Variants in TRPM8 observed in about 807,000 individuals in gnomAD.
TRPM8 encodes the protein TRPM8 cationic channel.
In TRPM8, 110 loss-of-function variants were observed where a neutral mutation model predicts 133.7. That is an observed-to-expected ratio of 0.82 (90% confidence interval 0.70 to 0.96). TRPM8 has a LOEUF of 0.96. TRPM8 is among the 40% of genes least tolerant of loss of function. The probability of loss-of-function intolerance (pLI) is 0.00; values close to 1 mark genes in which losing one functional copy is unlikely to be tolerated. For missense variants in TRPM8, 1,291 were observed against 1,379.5 expected (o/e 0.94, Z 1.02); for synonymous variants, 535 against 532.3 (o/e 1.01, Z -0.07).
At chr2:234,007,004 C>T in intron 23 of TRPM8, 52 bp downstream of exon 23, 1 of 1,398,006 alleles carries the variant, frequency 7.2e-7, no homozygotes. Flanking sequence ...TAGACATAAG[C>T]CCATAGAACG....
chr2:233,948,059 G>T (rs1020401126), intron 8 of TRPM8, among the ~76,000 whole-genome samples: 2 of 152,062 alleles, frequency 1.3e-5, no homozygotes, highest in African/African-American at 4.8e-5. Flanking sequence ...ATGAATTTCC[G>T]CAATGATTTG....
chr2:233,980,348 A>G, intron 18 of TRPM8, 69 bp downstream of exon 18: 1 of 1,043,618 alleles, frequency 9.6e-7, no homozygotes, highest in South Asian at 1.5e-5. Flanking sequence ...AGCTCTGCAG[A>G]CATTTCAAAC....
intron 21 of TRPM8, among the ~76,000 whole-genome samples, chr2:233,988,515 T>G (rs1219819284): frequency 6.6e-6 from 1 of 152,160 alleles, no homozygotes; most frequent in Non-Finnish European, 1.5e-5. Context: ...TTACCCATGT[T>G]TAGTTCATTA....
At chr2:233,976,471 A>C (rs919977221) in intron 17 of TRPM8, among the ~76,000 whole-genome samples, 1 of 152,058 alleles carries the variant, frequency 6.6e-6, no homozygotes, top group East Asian at 1.9e-4. Flanking sequence ...ATGGGGTGGG[A>C]GTAGACAGGG....
intron 21 of TRPM8, among the ~76,000 whole-genome samples, chr2:233,995,727 C>G (rs1020480275): frequency 2.0e-5 from 3 of 151,812 alleles, no homozygotes; most frequent in Non-Finnish European, 1.5e-5. Context: ...TTCTTTCTTT[C>G]TCTTTGAGTA....
chr2:233,936,332 G>C (rs559672484), intron 3 of TRPM8, among the ~76,000 whole-genome samples: 13 of 152,366 alleles, frequency 8.5e-5, no homozygotes, highest in African/African-American at 2.6e-4. Context: ...CACAAGGGAA[G>C]AGGATTTACC....
In TRPM8 at chr2:233,966,698, T is replaced by C. The variant is rs199726279; in HGVS notation, c.1968T>C (p.Cys656=). 6.2e-7 allele frequency: 1 copy of C among 1,612,874 alleles called. No homozygotes were observed. The highest frequency in any genetic ancestry group is 1.1e-5 in the South Asian group (1 of 90,914). ...GTGAAGCTTGGGGTGGAAGCAACTGTCTGGAGCTGGCGGTGGAGGCCACAG... is the reference window on the plus strand; with the variant it reads ...GTGAAGCTTGGGGTGGAAGCAACTGCCTGGAGCTGGCGGTGGAGGCCACAG... ...YSCEAWGGSN[C]LELAVEATDQ... is the part of the protein sequence containing the mutation. Residue 656 remains cysteine, a synonymous_variant, in exon 15 of 26, where the codon TGT becomes TGC. Coordinates refer to ENST00000324695, the MANE Select transcript of TRPM8 (RefSeq NM_024080.5).
At chr2:234,016,810 G>A (rs1002179166) in intron 25 of TRPM8, among the ~76,000 whole-genome samples, 3 of 152,108 alleles carry the variant, frequency 2.0e-5, no homozygotes, top group Non-Finnish European at 4.4e-5. Context: ...CTTACTTTAA[G>A]GAAGGTCCCT....
intron 4 of TRPM8, 140 bp from the exon 5 acceptor site, chr2:233,938,858 A>G (rs920081651): frequency 2.8e-5 from 25 of 882,630 alleles, no homozygotes; most frequent in East Asian, 8.0e-5. Flanking sequence ...GGGACCCCCA[A>G]TGCCGCGATC....
At position 233,985,783 on chromosome 2, in the gene TRPM8, G is replaced by A. The variant is rs202035579; in HGVS notation, c.2857G>A (p.Glu953Lys). 115 of 1,614,176 alleles carry A rather than the reference G, an allele frequency of 7.1e-5. No homozygotes were observed. The Middle Eastern group carries it at 8.2e-4, about 12-fold the overall frequency. Residue 953 changes from glutamate (E) to lysine (K), a missense_variant, in exon 21 of 26, where the codon GAG becomes AAG. Around this residue, in one of 2 missense-constraint regions of TRPM8, gnomAD observed 328 missense variants for 410.6 expected, o/e 0.80. Coordinates refer to ENST00000324695, the MANE Select transcript of TRPM8 (RefSeq NM_024080.5). ...LDEHNLPRFP[E>K]WITIPLVCIY... ...TGAGCACAACCTGCCCCGGTTCCCC[G>A]AGTGGATCACCATCCCCCTGGTGTG...
At position 234,014,573 on chromosome 2, in the gene TRPM8, C is replaced by T. The variant is rs1692913916; in HGVS notation, c.3276C>T (p.Leu1092=). ...TTTCTCTTTCCAAGCTTAATGATCT[C>T]AAGGGTCTTCTGAAAGAGATTGCTA... ...FRQLDTKLND[L]KGLLKEIANK... Residue 1092 remains leucine (L), a synonymous_variant, in exon 25 of 26, where the codon CTC becomes CTT. Coordinates refer to ENST00000324695, the MANE Select transcript of TRPM8 (RefSeq NM_024080.5). 1.3e-6 allele frequency: 2 copies of T among 1,550,448 alleles called. No homozygotes were observed. Among genetic ancestry groups the T allele is most frequent in the African/African-American group, 2.8e-5 (2 of 71,032 alleles).
intron 20 of TRPM8, among the ~76,000 whole-genome samples, chr2:233,985,111 A>G (rs1692113722): frequency 1.3e-5 from 2 of 151,376 alleles, no homozygotes; most frequent in African/African-American, 4.9e-5. Flanking sequence ...TAAAAAATTA[A>G]TATGTCTGCT....
chr2:234,005,967 C>CACACACAG (rs1045698162), intron 22 of TRPM8, among the ~76,000 whole-genome samples: 21 of 150,776 alleles, frequency 1.4e-4, no homozygotes, highest in Admixed American at 3.3e-4. Flanking sequence ...CACACACACA[C>CACACACAG]AGAATTTGCT....
chr2:233,943,039 C>A, intron 6 of TRPM8: 1 of 456,896 alleles, frequency 2.2e-6, no homozygotes, highest in Non-Finnish European at 3.8e-6. Context: ...ACATCCATCT[C>A]AGGCGGGCTC....
intron 1 of TRPM8, among the ~76,000 whole-genome samples, chr2:233,919,890 C>A (rs1404911986): frequency 6.6e-6 from 1 of 152,132 alleles, no homozygotes; most frequent in African/African-American, 2.4e-5. Flanking sequence ...CTTGAACATC[C>A]AATCAGTTAC....
At chr2:233,993,975 T>C (rs1461469558) in intron 21 of TRPM8, among the ~76,000 whole-genome samples, 2 of 152,258 alleles carry the variant, frequency 1.3e-5, no homozygotes, top group African/African-American at 4.8e-5. Flanking sequence ...ATTTCCTTTT[T>C]TGAAATAGAG....
chr2:233,958,297 A>G (rs1410648643), intron 11 of TRPM8, among the ~76,000 whole-genome samples: 2 of 152,218 alleles, frequency 1.3e-5, no homozygotes, highest in Non-Finnish European at 2.9e-5. Context: ...AGGCTCAGAG[A>G]CACAATAATC....
At chr2:233,952,865 C>A (rs1691202385) in intron 9 of TRPM8, among the ~76,000 whole-genome samples, 1 of 151,956 alleles carries the variant, frequency 6.6e-6, no homozygotes, top group African/African-American at 2.4e-5. Flanking sequence ...ATAAAAATAA[C>A]CCCTTGGTAC....
At chr2:233,951,955 T>A (rs534239127) in intron 9 of TRPM8, among the ~76,000 whole-genome samples, 4 of 152,198 alleles carry the variant, frequency 2.6e-5, no homozygotes, top group Non-Finnish European at 5.9e-5. Flanking sequence ...TCCCAGTTTC[T>A]TGACCACTCT....
Sources: gnomAD v4.1 joint callset for allele counts (sites outside exome capture counted in the v4.1 genomes callset) on GRCh38, gnomAD v4.1.1 for gene constraint, gnomAD v4.1.1 regional missense constraint, MANE v1.5 for transcripts, NCBI Gene and HGNC (gene_info 2026-07-23, HGNC 2026-07-21) for gene names.